The following RPS6KC1 variants were observed in gnomAD, a reference collection of about 807,000 sequenced individuals.
RPS6KC1 encodes inactive ribosomal protein S6 kinase delta-1.
Under a neutral mutation model 103.8 loss-of-function variants are expected in RPS6KC1, and 54 were observed. The ratio of observed to expected loss-of-function variants is 0.52; its 90% CI spans 0.42 to 0.65. The LOEUF (loss-of-function observed/expected upper bound fraction) is 0.65. Ranked by LOEUF, RPS6KC1 falls within the 30% of genes least tolerant of loss-of-function variation. The pLI, the probability that RPS6KC1 is intolerant of heterozygous loss-of-function variation, is 0.00. For synonymous variants in RPS6KC1, 439 were observed against 438.7 expected, an observed-to-expected ratio of 1.00 and a Z score of -0.01; for missense variants, 1,151 against 1,253.8, an observed-to-expected ratio of 0.92 and a Z score of 1.24.
At chr1:213,514,554 T>C in the RPS6KC1 span, among the ~76,000 whole-genome samples, 9 of 152,112 alleles carry the variant, frequency 5.9e-5, no homozygotes, top group Admixed American at 1.3e-4. Flanking sequence ...ACAAAGGACA[T>C]GAACTCATCA....
At chr1:213,860,953 C>T in the RPS6KC1 span, among the ~76,000 whole-genome samples, 1 of 152,054 alleles carries the variant, frequency 6.6e-6, no homozygotes, top group Middle Eastern at 3.4e-3. Flanking sequence ...ATATTACAGG[C>T]GTGCACCAAC....
chr1:213,328,503 A>AATATATAT, the RPS6KC1 span, among the ~76,000 whole-genome samples: 557 of 31,710 alleles, frequency 0.018, 12 homozygotes, highest in Middle Eastern at 0.043. Context: ...CAGCCATTAT[A>AATATATAT]CTATATATAT....
At chr1:213,755,643 A>T in the RPS6KC1 span, among the ~76,000 whole-genome samples, 1 of 152,150 alleles carries the variant, frequency 6.6e-6, no homozygotes, top group Non-Finnish European at 1.5e-5. Flanking sequence ...AAGCAAGAGG[A>T]TGTAAGATGG....
At chr1:213,705,822 G>C in the RPS6KC1 span, among the ~76,000 whole-genome samples, 1 of 152,178 alleles carries the variant, frequency 6.6e-6, no homozygotes, top group Non-Finnish European at 1.5e-5. Context: ...GCCAGGACTG[G>C]GTTCTTCCCT....
chr1:213,763,515 C>A, the RPS6KC1 span, among the ~76,000 whole-genome samples: 2 of 152,190 alleles, frequency 1.3e-5, no homozygotes, highest in Non-Finnish European at 2.9e-5. Flanking sequence ...GAGCTCTATT[C>A]ATGGGACCTG....
At chr1:213,233,562 G>A (rs1185493170) in intron 10 of RPS6KC1, among the ~76,000 whole-genome samples, 1 of 152,114 alleles carries the variant, frequency 6.6e-6, no homozygotes, top group African/African-American at 2.4e-5. Flanking sequence ...AAAATTTTCA[G>A]TCTTAACTTA....
At chr1:213,430,755 C>A in the RPS6KC1 span, among the ~76,000 whole-genome samples, 1 of 152,176 alleles carries the variant, frequency 6.6e-6, no homozygotes, top group Non-Finnish European at 1.5e-5. Flanking sequence ...CAATGTCAAG[C>A]AACAATTCAC....
chr1:213,749,678 C>T, the RPS6KC1 span, among the ~76,000 whole-genome samples: 6 of 152,176 alleles, frequency 3.9e-5, no homozygotes, highest in East Asian at 1.9e-4. Context: ...TCCCAACTCC[C>T]GCCCACTTTG....
At chr1:213,587,541 T>A in the RPS6KC1 span, among the ~76,000 whole-genome samples, 1 of 152,224 alleles carries the variant, frequency 6.6e-6, no homozygotes, top group Admixed American at 6.5e-5. Context: ...GGGCCTAACC[T>A]AATGCTTTGG....
chr1:213,785,862 C>A, the RPS6KC1 span, among the ~76,000 whole-genome samples: 1 of 152,112 alleles, frequency 6.6e-6, no homozygotes, highest in Admixed American at 6.6e-5. Context: ...AAGCCATCAT[C>A]CCACTGTGTG....
chr1:213,185,047 G>A (rs774451332), intron 8 of RPS6KC1, among the ~76,000 whole-genome samples: 6 of 152,068 alleles, frequency 3.9e-5, no homozygotes, highest in African/African-American at 4.8e-5. Context: ...TTGATTTGCC[G>A]CTGGATGATC....
chr1:213,351,084 C>CATAT, the RPS6KC1 span, among the ~76,000 whole-genome samples: 1 of 152,060 alleles, frequency 6.6e-6, no homozygotes, highest in Admixed American at 6.6e-5. Flanking sequence ...AGTACATGTA[C>CATAT]ATATTTACTT....
intron 6 of RPS6KC1, among the ~76,000 whole-genome samples, chr1:213,160,423 C>T (rs1411851813): frequency 6.6e-6 from 1 of 152,100 alleles, no homozygotes. Flanking sequence ...CCTTTTAGTC[C>T]AATCATGCAT....
chr1:213,833,645 T>C, the RPS6KC1 span, among the ~76,000 whole-genome samples: 1 of 152,122 alleles, frequency 6.6e-6, no homozygotes, highest in African/African-American at 2.4e-5. Flanking sequence ...TAAATTTAAT[T>C]TACATGGAAG....
At chr1:213,340,837 G>A in the RPS6KC1 span, among the ~76,000 whole-genome samples, 3 of 152,342 alleles carry the variant, frequency 2.0e-5, no homozygotes, top group East Asian at 1.9e-4. Flanking sequence ...GAGGGCAGGC[G>A]GGGCCTGCCT....
At chr1:213,574,592 A>G in the RPS6KC1 span, among the ~76,000 whole-genome samples, 1 of 152,196 alleles carries the variant, frequency 6.6e-6, no homozygotes, top group Admixed American at 6.5e-5. Context: ...CTTACGTGAA[A>G]CATTTATGAG....
the RPS6KC1 span, among the ~76,000 whole-genome samples, chr1:213,337,368 CTTGGGGATAG>C: frequency 6.6e-6 from 1 of 152,208 alleles, no homozygotes; most frequent in African/African-American, 2.4e-5. Flanking sequence ...GATATATGGT[CTTGGGGATAG>C]TTCTCTCCTC....
the RPS6KC1 span, among the ~76,000 whole-genome samples, chr1:213,561,731 C>T: frequency 2.2e-4 from 33 of 152,322 alleles, no homozygotes; most frequent in African/African-American, 7.9e-4. Context: ...CCCACTAATA[C>T]ATAACCCAGC....
At chr1:213,224,681 G>A (rs1403680666) in intron 8 of RPS6KC1, among the ~76,000 whole-genome samples, 2 of 152,108 alleles carry the variant, frequency 1.3e-5, no homozygotes, top group Non-Finnish European at 1.5e-5. Context: ...GCAAACCCAT[G>A]AGCAGTTTTT....
Sources: allele counts gnomAD v4.1 joint callset (sites outside exome capture counted in the v4.1 genomes callset), GRCh38; gene constraint gnomAD v4.1.1; transcripts MANE v1.5; gene names NCBI Gene and HGNC (gene_info 2026-07-23, HGNC 2026-07-21).